The following TRPM3 variants were observed in gnomAD, a reference collection of about 807,000 sequenced individuals.
TRPM3 encodes the protein long transient receptor potential channel 3.
A neutral mutation model predicts 181.2 loss-of-function variants in TRPM3; 77 were observed. The ratio of observed to expected loss-of-function variants is 0.42; its 90% confidence interval spans 0.35 to 0.51. The LOEUF (loss-of-function observed/expected upper bound fraction) is 0.51. Ranked by LOEUF, TRPM3 falls within the 20% of genes least tolerant of loss-of-function variation. TRPM3 has a pLI of 0.01. For missense variants in TRPM3, 1,759 were observed against 2,196.7 expected (o/e 0.80, Z 3.98); for synonymous variants, 745 against 796.4 (o/e 0.94, Z 1.09).
At chr9:71,188,276 A>G (rs545084681) in intron 1 of TRPM3, among the ~76,000 whole-genome samples, 1 of 152,016 alleles carries the variant, frequency 6.6e-6, no homozygotes, top group Non-Finnish European at 1.5e-5. Context: ...CCTTGATAAC[A>G]CTGGATACCA....
intron 8 of TRPM3, among the ~76,000 whole-genome samples, chr9:70,691,635 C>A (rs10115622): frequency 0.36 from 55,073 of 152,008 alleles, 10,225 homozygotes; most frequent in East Asian, 0.46. Flanking sequence ...ATTTAAGAAC[C>A]CTGGAGTTTG....
At chr9:70,585,762 TCCTCTCA>T (rs562912279) in intron 22 of TRPM3, among the ~76,000 whole-genome samples, 233 of 152,242 alleles carry the variant, frequency 1.5e-3, no homozygotes, top group Non-Finnish European at 2.4e-3. Context: ...ATTAGAAATT[TCCTCTCA>T]CCTCTCACTT....
At chr9:70,823,399 CT>C (rs11289354) in intron 6 of TRPM3, among the ~76,000 whole-genome samples, 111,449 of 152,042 alleles carry the variant, frequency 0.73, 41,184 homozygotes, top group Middle Eastern at 0.9. Context: ...CTTTACCAAG[CT>C]TTCCCCCGCT....
rs2093642005 is a variant in TRPM3, at chr9:70,827,767, T to C, written c.973+80A>G. The C allele has an allele frequency of 3.3e-6, 5 of 1,500,674 alleles. No homozygotes were observed. In the Admixed American group the frequency reaches 9.4e-5, roughly 28 times the overall value. 93.0% of individuals were successfully genotyped at this position (1,500,674 alleles called of 1,614,324 possible). ...AAAACTTGCTCAAGTTTTTATTACA[T>C]TGCTGCATGGTGTACTTAAAGTTAT... On this transcript the variant is annotated intron_variant, in intron 6 of 25. Transcript: ENST00000677713.
intron 1 of TRPM3, among the ~76,000 whole-genome samples, chr9:71,317,666 A>T (rs551271490): frequency 1.0e-5 from 1 of 97,750 alleles, no homozygotes; most frequent in Admixed American, 1.2e-4. Context: ...AAAAAGAAAA[A>T]ATATATATAT....
chr9:70,898,747 C>CAAAAAAAAAAAAAAAAAAGAAAA (rs2096332538), intron 1 of TRPM3, among the ~76,000 whole-genome samples: 1 of 93,356 alleles, frequency 1.1e-5, no homozygotes, highest in Non-Finnish European at 2.1e-5. Flanking sequence ...GACTTCATCT[C>CAAAAAAAAAAAAAAAAAAGAAAA]AAAAAAAAAA....
intron 3 of TRPM3, among the ~76,000 whole-genome samples, chr9:70,847,056 A>C (rs181364169): frequency 7.2e-4 from 109 of 152,326 alleles, no homozygotes; most frequent in African/African-American, 2.5e-3. Context: ...GTTTTAAAAT[A>C]ACATAATAGT....
At chr9:70,827,812 T>C in intron 6 of TRPM3, 35 bp downstream of exon 6, 2 of 1,605,410 alleles carry the variant, frequency 1.2e-6, no homozygotes, top group Non-Finnish European at 1.7e-6. Context: ...GCATACCTCC[T>C]ACGAGCCATG....
intron 22 of TRPM3, among the ~76,000 whole-genome samples, chr9:70,568,647 A>G (rs1242743695): frequency 1.3e-5 from 2 of 152,238 alleles, no homozygotes; most frequent in Non-Finnish European, 1.5e-5. Context: ...TTGAAACACA[A>G]ATAGGCAAGT....
chr9:70,942,980 TAACTGGGGTCCTGTGGTA>T (rs1168872415), intron 1 of TRPM3, among the ~76,000 whole-genome samples: 1 of 152,098 alleles, frequency 6.6e-6, no homozygotes, highest in Non-Finnish European at 1.5e-5. Context: ...AAAGGTTTCC[TAACTGGGGTCCTGTGGTA>T]AAATGGAAAG....
intron 9 of TRPM3, among the ~76,000 whole-genome samples, chr9:70,673,591 A>G (rs1332494485): frequency 6.6e-6 from 1 of 152,110 alleles, no homozygotes; most frequent in Non-Finnish European, 1.5e-5. Flanking sequence ...GACTTTGTAG[A>G]TTGCTTTTGC....
intron 1 of TRPM3, among the ~76,000 whole-genome samples, chr9:71,038,650 C>T (rs606154): frequency 1 from 151,847 of 152,276 alleles, 75,710 homozygotes; most frequent in Middle Eastern, 1. Context: ...TTACTGAGTA[C>T]CTATTATGTG....
chr9:70,865,657 A>G (rs529958372), intron 1 of TRPM3, among the ~76,000 whole-genome samples: 18 of 152,158 alleles, frequency 1.2e-4, no homozygotes, highest in African/African-American at 3.6e-4. Context: ...GTTGGTCCTC[A>G]GTACTTCAGT....
At chr9:71,293,591 T>G (rs1382071235) in intron 1 of TRPM3, among the ~76,000 whole-genome samples, 1 of 141,118 alleles carries the variant, frequency 7.1e-6, no homozygotes, top group African/African-American at 2.6e-5. Flanking sequence ...AATGGAGAGA[T>G]ATACTACATT....
At chr9:70,774,665 A>T (rs1043417246) in intron 7 of TRPM3, 1 of 152,178 alleles carries the variant, frequency 6.6e-6, no homozygotes, top group Non-Finnish European at 1.5e-5. Context: ...CCAAATTTTA[A>T]GTTTGTCTCC....
At chr9:71,187,094 C>A (rs2077724833) in intron 1 of TRPM3, among the ~76,000 whole-genome samples, 1 of 151,944 alleles carries the variant, frequency 6.6e-6, no homozygotes, top group Non-Finnish European at 1.5e-5. Flanking sequence ...CTCACGAAAT[C>A]TTTAATAGCA....
intron 1 of TRPM3, among the ~76,000 whole-genome samples, chr9:71,157,860 T>C (rs1358866309): frequency 1.3e-5 from 2 of 151,892 alleles, no homozygotes; most frequent in Non-Finnish European, 2.9e-5. Flanking sequence ...GAAGAGAAGA[T>C]ATAAGCTCAA....
intron 1 of TRPM3, among the ~76,000 whole-genome samples, chr9:71,394,013 T>G (rs952070374): frequency 1.3e-5 from 2 of 152,188 alleles, no homozygotes; most frequent in African/African-American, 4.8e-5. Flanking sequence ...GTGTATTGTG[T>G]ATGTACACAC....
intron 1 of TRPM3, among the ~76,000 whole-genome samples, chr9:71,351,876 G>GTT (rs55844483): frequency 1.4e-5 from 2 of 141,684 alleles, no homozygotes; most frequent in Non-Finnish European, 3.0e-5. Flanking sequence ...GTTTGTTTTT[G>GTT]TTTTTTTTTT....
Sources: allele counts gnomAD v4.1 joint callset (sites outside exome capture counted in the v4.1 genomes callset), GRCh38; gene constraint gnomAD v4.1.1; transcripts MANE v1.5; gene names NCBI Gene and HGNC (gene_info 2026-07-23, HGNC 2026-07-21).